Variants in PAPPA2 observed in about 807,000 individuals in gnomAD.
The protein encoded by PAPPA2 is pappalysin-2.
PAPPA2 carries 86 observed loss-of-function variants against 176.4 expected under a neutral mutation model. The ratio of observed to expected loss-of-function variants is 0.49; its 90% CI spans 0.41 to 0.58. The LOEUF is 0.58. Ranked by LOEUF, PAPPA2 falls within the 20% of genes least tolerant of loss-of-function variation. PAPPA2 has a pLI of 0.00. For missense variants in PAPPA2, 2,073 were observed against 2,256.9 expected (o/e 0.92, Z 1.65); for synonymous variants, 809 against 852.2 (o/e 0.95, Z 0.88).
chr1:176,782,611 T>A (rs1303539297), intron 17 of PAPPA2, among the ~76,000 whole-genome samples: 2 of 152,120 alleles, frequency 1.3e-5, no homozygotes, highest in Non-Finnish European at 2.9e-5. Context: ...GGGTTGTGCT[T>A]GGGATTCTAA....
chr1:176,816,192 A>ATATATG (rs1389658651), intron 21 of PAPPA2, among the ~76,000 whole-genome samples: 2 of 119,884 alleles, frequency 1.7e-5, no homozygotes, highest in Non-Finnish European at 3.5e-5. Flanking sequence ...ATATATATAT[A>ATATATG]TATATGTACA....
chr1:176,652,184 C>G (rs1324650440), intron 3 of PAPPA2, among the ~76,000 whole-genome samples: 1 of 151,302 alleles, frequency 6.6e-6, no homozygotes, highest in African/African-American at 2.4e-5. Context: ...CAGGGCGGGG[C>G]AGGGGGATCC....
At chr1:176,723,177 A>G (rs763766428) in intron 12 of PAPPA2, among the ~76,000 whole-genome samples, 2 of 152,136 alleles carry the variant, frequency 1.3e-5, no homozygotes, top group Non-Finnish European at 2.9e-5. Context: ...CTCCCATGAT[A>G]ATGGCATTAA....
chr1:176,564,722 C>CTTTTT (rs71299415), intron 2 of PAPPA2, among the ~76,000 whole-genome samples: 2 of 133,936 alleles, frequency 1.5e-5, no homozygotes, highest in Non-Finnish European at 3.2e-5. Flanking sequence ...CTTTCCTTTT[C>CTTTTT]TTTTTTTTTT....
intron 1 of PAPPA2, among the ~76,000 whole-genome samples, chr1:176,488,698 G>T (rs1016349887): frequency 6.6e-6 from 1 of 152,144 alleles, no homozygotes; most frequent in Non-Finnish European, 1.5e-5. Flanking sequence ...ATGAAACATG[G>T]TTGTTCATGG....
At chr1:176,564,969 A>G (rs1651880256) in intron 2 of PAPPA2, among the ~76,000 whole-genome samples, 1 of 152,202 alleles carries the variant, frequency 6.6e-6, no homozygotes. Context: ...AGCCATAGCC[A>G]TCAGCAACCT....
rs190914380 is a variant in PAPPA2 at position 176,735,390 on chromosome 1, G to A, written c.3799-4236G>A. On this transcript the variant is annotated intron_variant, in intron 12 of 22. Transcript: ENST00000367662. The stretch of plus-strand genomic sequence containing the variant: ...ACCAAAAGCATTTTAAAACCTCAGA[G>A]AAGATTCTTTTCAAGTTTGTGGTAG... 4.3e-4 allele frequency among the ~76,000 whole-genome samples: 66 copies of A among 152,236 alleles called. No homozygotes were observed. The East Asian group carries it at 0.013, about 29-fold the overall frequency.
At chr1:176,691,129 T>C (rs934109261) in intron 5 of PAPPA2, 1 of 985,018 alleles carries the variant, frequency 1.0e-6, no homozygotes, top group Non-Finnish European at 1.2e-6. Flanking sequence ...TTGTTTCTTG[T>C]GAAAAGTAAT....
intron 21 of PAPPA2, among the ~76,000 whole-genome samples, chr1:176,806,865 C>T (rs1665928573): frequency 6.6e-6 from 1 of 152,150 alleles, no homozygotes; most frequent in Non-Finnish European, 1.5e-5. Flanking sequence ...ACCCACAGGT[C>T]CTTCTCTTAT....
chr1:176,618,450 G>A (rs554763729), intron 3 of PAPPA2, among the ~76,000 whole-genome samples: 2 of 152,304 alleles, frequency 1.3e-5, no homozygotes, highest in African/African-American at 4.8e-5. Flanking sequence ...CAAATGAACT[G>A]AGAAATAAGA....
At chr1:176,550,987 C>T (rs986589781) in intron 1 of PAPPA2, among the ~76,000 whole-genome samples, 3 of 152,150 alleles carry the variant, frequency 2.0e-5, no homozygotes, top group Non-Finnish European at 4.4e-5. Flanking sequence ...GAAGACAGTG[C>T]GTAGCCAGAG....
At chr1:176,490,284 C>T (rs1269932348) in intron 1 of PAPPA2, among the ~76,000 whole-genome samples, 1 of 152,090 alleles carries the variant, frequency 6.6e-6, no homozygotes, top group Admixed American at 6.5e-5. Flanking sequence ...TGCATTATCC[C>T]TTCCAGGGGA....
At chr1:176,533,312 G>A (rs2102555105) in intron 1 of PAPPA2, among the ~76,000 whole-genome samples, 2 of 152,334 alleles carry the variant, frequency 1.3e-5, no homozygotes, top group Non-Finnish European at 2.9e-5. Flanking sequence ...CAAGTACATG[G>A]TTCTGCTTGA....
intron 14 of PAPPA2, among the ~76,000 whole-genome samples, chr1:176,764,093 A>G (rs1051449059): frequency 6.6e-6 from 1 of 152,160 alleles, no homozygotes; most frequent in African/African-American, 2.4e-5. Context: ...AACCTATTAC[A>G]GTGAGAACTA....
At chr1:176,837,093 G>A (rs910711292) in intron 21 of PAPPA2, among the ~76,000 whole-genome samples, 2 of 152,090 alleles carry the variant, frequency 1.3e-5, no homozygotes, top group African/African-American at 4.8e-5. Context: ...TTTCCGAAGC[G>A]GTATTCGTAG....
At chr1:176,739,604 A>G in intron 12 of PAPPA2, 22 bp from the exon 13 acceptor site, 1 of 1,605,858 alleles carries the variant, frequency 6.2e-7, no homozygotes, top group Non-Finnish European at 8.5e-7. Context: ...AATGACTTAT[A>G]CATAAATGTG....
intron 1 of PAPPA2, among the ~76,000 whole-genome samples, chr1:176,551,821 A>G (rs12565194): frequency 0.95 from 145,082 of 152,120 alleles, 69,206 homozygotes; most frequent in East Asian, 1. Context: ...GGGTTTCTTT[A>G]GGGGGGTGGG....
At chr1:176,531,411 A>C (rs575785725) in intron 1 of PAPPA2, among the ~76,000 whole-genome samples, 1 of 152,350 alleles carries the variant, frequency 6.6e-6, no homozygotes, top group South Asian at 2.1e-4. Context: ...TTATACCATG[A>C]CATAAAGATG....
chr1:176,661,722 G>A (rs931765224), intron 3 of PAPPA2, among the ~76,000 whole-genome samples: 8 of 151,928 alleles, frequency 5.3e-5, no homozygotes, highest in Non-Finnish European at 8.8e-5. Flanking sequence ...ACAACTGATC[G>A]TAGACTGTAA....
Sources: allele counts gnomAD v4.1 joint callset (sites outside exome capture counted in the v4.1 genomes callset), GRCh38; gene constraint gnomAD v4.1.1; transcripts MANE v1.5; gene names NCBI Gene and HGNC (gene_info 2026-07-23, HGNC 2026-07-21).